KLF17: variants seen among roughly 807,000 people sequenced by gnomAD.
KLF17 encodes KLF transcription factor 17.
In KLF17, 31 loss-of-function variants were observed where a neutral mutation model predicts 34.2. The ratio of observed to expected loss-of-function variants is 0.91; its 90% CI spans 0.68 to 1.22. The LOEUF is 1.22. Among genes scored for constraint, KLF17 ranks in the 50% most tolerant of loss-of-function variants. KLF17 has a pLI of 0.00. For synonymous variants in KLF17, 179 were observed against 186.7 expected, an observed-to-expected ratio of 0.96 and a Z score of 0.34; for missense variants, 478 against 505.2, an observed-to-expected ratio of 0.95 and a Z score of 0.52.
chr1:44,132,583 T>A (rs1368366288), intron 3 of KLF17, among the ~76,000 whole-genome samples: 1 of 152,184 alleles, frequency 6.6e-6, no homozygotes, highest in African/African-American at 2.4e-5. Context: ...TCACTTCCAA[T>A]GCCTTGGGTT....
the KLF17 span, among the ~76,000 whole-genome samples, chr1:44,073,898 A>C: frequency 2.6e-5 from 4 of 152,000 alleles, no homozygotes; most frequent in African/African-American, 9.7e-5. Context: ...TAATATAACA[A>C]ATTTATTTTC....
At chr1:44,071,452 T>A in the KLF17 span, among the ~76,000 whole-genome samples, 1 of 152,132 alleles carries the variant, frequency 6.6e-6, no homozygotes, top group Non-Finnish European at 1.5e-5. Context: ...AGTCCAAAAT[T>A]GATTCCTTAT....
the KLF17 span, among the ~76,000 whole-genome samples, chr1:44,086,302 A>C: frequency 7.7e-3 from 1,171 of 152,254 alleles, 12 homozygotes; most frequent in African/African-American, 0.027. Flanking sequence ...CCCCGTCTCT[A>C]CTAAAAGTAC....
At chr1:44,086,350 C>T in the KLF17 span, among the ~76,000 whole-genome samples, 1,808 of 152,324 alleles carry the variant, frequency 0.012, 14 homozygotes, top group South Asian at 0.023. Context: ...CCTGTAATCC[C>T]GGCTACTCGG....
chr1:44,080,143 G>A, the KLF17 span, among the ~76,000 whole-genome samples: 2 of 151,362 alleles, frequency 1.3e-5, no homozygotes, highest in African/African-American at 4.9e-5. Context: ...TGGCCAGGCT[G>A]GTATCAAATT....
the KLF17 span, among the ~76,000 whole-genome samples, chr1:44,045,829 G>T: frequency 9.2e-5 from 14 of 152,072 alleles, no homozygotes; most frequent in Non-Finnish European, 1.8e-4. Context: ...CATCCAGAAT[G>T]TGTCCCTCCC....
the KLF17 span, among the ~76,000 whole-genome samples, chr1:44,079,642 C>T: frequency 1.3e-5 from 2 of 152,050 alleles, no homozygotes; most frequent in Non-Finnish European, 2.9e-5. Flanking sequence ...GTTCAAATTA[C>T]TGGTATGGTT....
the KLF17 span, among the ~76,000 whole-genome samples, chr1:44,077,110 C>T: frequency 1.3e-5 from 2 of 151,354 alleles, no homozygotes; most frequent in Admixed American, 6.6e-5. Context: ...TTTGGAAGGC[C>T]GAGGCGGGCA....
At chr1:44,098,712 G>A in the KLF17 span, among the ~76,000 whole-genome samples, 19 of 151,382 alleles carry the variant, frequency 1.3e-4, no homozygotes, top group African/African-American at 1.9e-4. Flanking sequence ...CACCACGCCT[G>A]GCTAATTTTT....
upstream of KLF17, chr1:44,115,816 G>A (rs11578159): frequency 1.3e-5 from 2 of 152,124 alleles, no homozygotes; most frequent in Non-Finnish European, 2.9e-5. Flanking sequence ...TAAACAGGTA[G>A]ATGTGAAAAT....
At chr1:44,086,666 C>T in the KLF17 span, among the ~76,000 whole-genome samples, 1 of 152,000 alleles carries the variant, frequency 6.6e-6, no homozygotes, top group African/African-American at 2.4e-5. Context: ...TGAATAACAA[C>T]AGTATAGGAG....
chr1:44,114,525 T>C (rs2087862977), upstream of KLF17: 3 of 152,164 alleles, frequency 2.0e-5, no homozygotes, highest in Admixed American at 2.0e-4. Context: ...TCATTAAATA[T>C]TGGTAAAACA....
chr1:44,108,262 G>A, the KLF17 span, among the ~76,000 whole-genome samples: 1 of 152,214 alleles, frequency 6.6e-6, no homozygotes, highest in African/African-American at 2.4e-5. Flanking sequence ...GCTGGAATTA[G>A]CAATAGAATC....
chr1:44,083,434 A>C, the KLF17 span, among the ~76,000 whole-genome samples: 1 of 152,144 alleles, frequency 6.6e-6, no homozygotes, highest in Non-Finnish European at 1.5e-5. Context: ...CTCAGTTGGC[A>C]TCCAAGGAGC....
In KLF17 at chr1:44,129,929, C is replaced by T; in HGVS notation, c.658C>T (p.Leu220Phe). 6.2e-7 allele frequency: 1 copy of T among 1,614,224 alleles called. No individual in the cohort carries two copies. Residue 220 changes from leucine (L) to phenylalanine (F), a missense_variant, in exon 2 of 4, where the codon CTT (leucine) becomes TTT (phenylalanine). By Grantham distance (22) the Leu-to-Phe change is conservative (BLOSUM62 0). Transcript: ENST00000372299. Reference sequence around the variant, plus strand: ...GTTGCCCCCGCAAGATGCCCATGACCTTGGGATGCCCCCAGCTGAGTCCCA... The same window carrying T: ...GTTGCCCCCGCAAGATGCCCATGACTTTGGGATGCCCCCAGCTGAGTCCCA... ...QMLPPQDAHD[L>F]GMPPAESQSL...
the KLF17 span, among the ~76,000 whole-genome samples, chr1:44,075,142 CAT>C: frequency 6.7e-4 from 102 of 151,530 alleles, no homozygotes; most frequent in African/African-American, 2.0e-3. Flanking sequence ...CACACACACA[CAT>C]ACACGTATAC....
the KLF17 span, among the ~76,000 whole-genome samples, chr1:44,079,381 C>T: frequency 2.7e-5 from 4 of 150,828 alleles, no homozygotes; most frequent in East Asian, 1.9e-4. Flanking sequence ...AGTTCAGCCT[C>T]GACCTCCTGG....
the KLF17 span, among the ~76,000 whole-genome samples, chr1:44,058,027 A>G: frequency 6.6e-6 from 1 of 152,244 alleles, no homozygotes; most frequent in African/African-American, 2.4e-5. Flanking sequence ...AAAACGCATT[A>G]GAAGTGCCAA....
the KLF17 span, among the ~76,000 whole-genome samples, chr1:44,111,466 T>G: frequency 1.3e-5 from 2 of 150,020 alleles, no homozygotes; most frequent in African/African-American, 4.9e-5. Flanking sequence ...GCAACTTGTT[T>G]TTTTTTTTTT....
Sources: allele counts gnomAD v4.1 joint callset (sites outside exome capture counted in the v4.1 genomes callset), GRCh38; gene constraint gnomAD v4.1.1; transcripts MANE v1.5; gene names NCBI Gene and HGNC (gene_info 2026-07-23, HGNC 2026-07-21).